The following TMEM52B variants were observed in gnomAD, a reference collection of about 807,000 sequenced individuals.
TMEM52B encodes the protein transmembrane protein 52B.
Under a neutral mutation model 16.1 loss-of-function variants are expected in TMEM52B, and 11 were observed. The observed-to-expected ratio is 0.68, with a 90% confidence interval of 0.43 to 1.13. The LOEUF is 1.13. Ranked by LOEUF, TMEM52B falls within the 50% of genes most tolerant of loss-of-function variation. TMEM52B has a pLI of 0.00. For missense variants in TMEM52B, 243 were observed against 230.4 expected (o/e 1.05, Z -0.35); for synonymous variants, 101 against 93.8 (o/e 1.08, Z -0.45).
chr12:10,189,773 A>C (rs547752964), intron 4 of TMEM52B, 123 bp from the exon 5 acceptor site: 12 of 1,341,430 alleles, frequency 8.9e-6, no homozygotes, highest in Admixed American at 4.7e-5. Flanking sequence ...TGGGGCAAGG[A>C]GTGACAATGA....
intron 4 of TMEM52B, among the ~76,000 whole-genome samples, chr12:10,188,515 AGGAAGGAAG>A (rs369086491): frequency 3.6e-4 from 46 of 129,314 alleles, no homozygotes; most frequent in South Asian, 5.5e-4. Context: ...GAAGGAAGGA[AGGAAGGAAG>A]GAAGGAAGGA....
intron 4 of TMEM52B, among the ~76,000 whole-genome samples, 185 bp downstream of exon 4, chr12:10,186,774 C>G (rs1354023206): frequency 6.6e-6 from 1 of 152,134 alleles, no homozygotes; most frequent in Admixed American, 6.5e-5. Context: ...TCTCAAGGGT[C>G]TGTCTGGCTC....
intron 2 of TMEM52B, among the ~76,000 whole-genome samples, chr12:10,183,890 C>T (rs181231670): frequency 3.3e-4 from 51 of 152,286 alleles, no homozygotes; most frequent in African/African-American, 1.2e-3. Context: ...TCCTAGCATA[C>T]AACTTCTAAA....
chr12:10,174,364 C>G (rs1318884075), upstream of TMEM52B, among the ~76,000 whole-genome samples: 1 of 152,166 alleles, frequency 6.6e-6, no homozygotes, highest in African/African-American at 2.4e-5. Context: ...TGCTGGCCTT[C>G]TGTGTCTTCT....
rs534138017 is a variant in TMEM52B, at chr12:10,183,945, T to C, written c.98+1352T>C. 5.9e-5 allele frequency among the ~76,000 whole-genome samples: 9 copies of C among 152,332 alleles called. No homozygotes were observed. In the South Asian group the frequency reaches 1.9e-3, roughly 32 times the overall value. On this transcript the variant is annotated intron_variant, in intron 2 of 4. Transcript: ENST00000543484. ...TCATTTTGCATGCTAATGAGTTGAT[T>C]GGTGGCTGGCAGCCCCTAGGTAGAT...
In TMEM52B at chr12:10,189,948, C is replaced by T. The variant is rs756384863; in HGVS notation, c.360C>T (p.His120=). 16 of 1,614,164 alleles carry T rather than the reference C, an allele frequency of 9.9e-6. No homozygotes were observed. The Admixed American group carries it at 2.0e-4, about 20-fold the overall frequency. ...CTCGGAGGATCCTGGCTGTGGCTCA[C>T]TCCCACAGCTCCCTGGGCCAGCTGC... ...PAARRILAVA[H]SHSSLGQLPS... is the part of the protein sequence containing the mutation. Residue 120 remains histidine, a synonymous_variant, in exon 5 of 5, where the codon CAC becomes CAT. Transcript: ENST00000543484.
chr12:10,185,456 G>C, intron 3 of TMEM52B, 88 bp downstream of exon 3: 2 of 982,594 alleles, frequency 2.0e-6, no homozygotes, highest in South Asian at 2.6e-5. Flanking sequence ...AGCATCTCAT[G>C]GAGTAAGATT....
chr12:10,175,617 T>A (rs1203780148), upstream of TMEM52B: 1 of 152,288 alleles, frequency 6.6e-6, no homozygotes, highest in Non-Finnish European at 1.5e-5. Flanking sequence ...TTAACTCTAA[T>A]CTTTTTACTG....
At chr12:10,188,532 G>GGAAAA (rs1565428830) in intron 4 of TMEM52B, among the ~76,000 whole-genome samples, 16 of 26,680 alleles carry the variant, frequency 6.0e-4, no homozygotes, top group African/African-American at 1.5e-3. Flanking sequence ...AAGGAAGGAA[G>GGAAAA]GAAGGAAAAG....
In TMEM52B at chr12:10,189,984, G is replaced by C. The variant is rs534357086; in HGVS notation, c.396G>C (p.Leu132Phe). Reference protein sequence around the residue: ...HSSLGQLPSSLDTLPGYEEAL... With the variant: ...HSSLGQLPSSFDTLPGYEEAL... ...CCCTGGGCCAGCTGCCCTCCTCTTT[G>C]GACACCCTCCCAGGGTATGAAGAAG... Residue 132 changes from leucine (L) to phenylalanine (F), a missense_variant, in exon 5 of 5, where the codon TTG becomes TTC. Leu to Phe is a conservative substitution (Grantham distance 22, BLOSUM62 0). Coordinates refer to ENST00000543484, the MANE Select transcript of TMEM52B (RefSeq NM_001384896.1). 6.2e-7 allele frequency: 1 copy of C among 1,614,068 alleles called. No individual in the cohort carries two copies. The highest frequency in any genetic ancestry group is 1.1e-5 in the South Asian group (1 of 91,066).
chr12:10,190,182 G>C lies in TMEM52B; in HGVS notation c.*42G>C, dbSNP rs1024156737. On this transcript the variant is annotated 3_prime_UTR_variant, in exon 5 of 5. Transcript: ENST00000543484. Reference sequence around the variant, plus strand: ...ATAAATAGGAGTGGAGTGATGTCCAGAGTCTGTGGGAAAATGGAACACATA... The same window carrying C: ...ATAAATAGGAGTGGAGTGATGTCCACAGTCTGTGGGAAAATGGAACACATA... 1.2e-6 allele frequency: 2 copies of C among 1,608,330 alleles called. No individual in the cohort carries two copies. The highest frequency in any genetic ancestry group is 1.7e-6 in the Non-Finnish European group (2 of 1,176,688).
chr12:10,182,317 C>T, intron 1 of TMEM52B: 1 of 985,208 alleles, frequency 1.0e-6, no homozygotes, highest in East Asian at 1.1e-4. Flanking sequence ...TGATGCTCAC[C>T]CACCATCAAC....
chr12:10,190,440 A>C lies in TMEM52B; in HGVS notation c.*300A>C. On this transcript the variant is annotated 3_prime_UTR_variant, in exon 5 of 5. Coordinates refer to ENST00000543484, the MANE Select transcript of TMEM52B (RefSeq NM_001384896.1). ...TTGAATTCCTTTAACTATTGAGTGC[A>C]TATAGAATTCCTGTACCCACATGAT... is the stretch of plus-strand genomic sequence containing the variant. 1 of 334,686 alleles carries C rather than the reference A, an allele frequency of 3.0e-6. No individual in the cohort carries two copies. The highest frequency in any genetic ancestry group is 5.7e-6 in the Non-Finnish European group (1 of 174,488). 20.7% of individuals were successfully genotyped at this position (334,686 alleles called of 1,614,324 possible).
chr12:10,173,546 G>GA lies in TMEM52B; in HGVS notation c.-95+2696dup, dbSNP rs554687821. Among the ~76,000 whole-genome samples the GA allele has an allele frequency of 6.8e-5, 8 of 118,322 alleles. No homozygotes were observed. The South Asian group carries it at 1.4e-3, about 20-fold the overall frequency. 77.6% of individuals were successfully genotyped at this position (118,322 alleles called of 152,430 possible). A position where few individuals can be genotyped will look rare whatever the true frequency, so the allele number is the denominator to read the frequency against. On this transcript the variant is annotated intron_variant, in intron 1 of 5. Transcript: ENST00000381923. ...TGTAATCTCAGCACTTTGGGAAGCT[G>GA]AGGGGGGGGGTGGATCACTGAGGTC...
upstream of TMEM52B, among the ~76,000 whole-genome samples, chr12:10,174,573 ACT>A (rs1486651667): frequency 1.3e-5 from 2 of 152,036 alleles, no homozygotes; most frequent in Non-Finnish European, 2.9e-5. Flanking sequence ...TCAGCCATCA[ACT>A]CTCCCAGTTC....
chr12:10,171,571 T>C (rs530276464), intron 1 of TMEM52B, among the ~76,000 whole-genome samples: 1 of 152,344 alleles, frequency 6.6e-6, no homozygotes, highest in East Asian at 1.9e-4. Context: ...ATAAATTTGG[T>C]TCCCGAGCCC....
At chr12:10,186,041 A>T (rs1282857986) in intron 3 of TMEM52B, among the ~76,000 whole-genome samples, 1 of 145,132 alleles carries the variant, frequency 6.9e-6, no homozygotes, top group East Asian at 2.0e-4. Flanking sequence ...AACTCTGTCT[A>T]AAAAAAAAAA....
chr12:10,179,677 T>C, intron 1 of TMEM52B, 49 bp downstream of exon 1: 1 of 1,608,800 alleles, frequency 6.2e-7, no homozygotes, highest in Non-Finnish European at 8.5e-7. Flanking sequence ...CCCAGATTAA[T>C]CAACTCTCAG....
upstream of TMEM52B, among the ~76,000 whole-genome samples, chr12:10,174,628 A>C (rs894876960): frequency 6.6e-6 from 1 of 152,156 alleles, no homozygotes; most frequent in Non-Finnish European, 1.5e-5. Flanking sequence ...TCCAGATTTT[A>C]AATTACCAGG....
Sources: allele counts gnomAD v4.1 joint callset (sites outside exome capture counted in the v4.1 genomes callset), GRCh38; gene constraint gnomAD v4.1.1; transcripts MANE v1.5; gene names NCBI Gene and HGNC (gene_info 2026-07-23, HGNC 2026-07-21).